TAFA1: variants seen among roughly 807,000 people sequenced by gnomAD.
TAFA1 encodes TAFA chemokine like family member 1.
A neutral mutation model predicts 18.5 loss-of-function variants in TAFA1; 4 were observed. That is an observed-to-expected ratio of 0.22 (90% CI 0.11 to 0.49). The LOEUF (loss-of-function observed/expected upper bound fraction) is 0.49. Among genes scored for constraint, TAFA1 ranks in the 20% least tolerant of loss-of-function variants. The probability of loss-of-function intolerance (pLI) is 0.98; values close to 1 mark genes in which losing one functional copy is unlikely to be tolerated. For missense variants in TAFA1, 147 were observed against 169.0 expected (o/e 0.87, Z 0.72); for synonymous variants, 56 against 55.2 (o/e 1.01, Z -0.06).
chr3:68,391,470 G>A (rs563013082), intron 2 of TAFA1, among the ~76,000 whole-genome samples: 1 of 152,260 alleles, frequency 6.6e-6, no homozygotes, highest in South Asian at 2.1e-4. Context: ...CCCCAACCTA[G>A]CAAGACAGGC....
intron 4 of TAFA1, among the ~76,000 whole-genome samples, chr3:68,539,700 GT>G: frequency 7.7e-5 from 6 of 78,336 alleles, no homozygotes; most frequent in Admixed American, 1.5e-4. Flanking sequence ...GGGTGGGTGG[GT>G]GGGTGTGTGC....
chr3:68,222,074 A>G (rs1398759351), intron 2 of TAFA1, among the ~76,000 whole-genome samples: 1 of 152,176 alleles, frequency 6.6e-6, no homozygotes, highest in South Asian at 2.1e-4. Context: ...TCATAATTCT[A>G]TTGAGGATGA....
At chr3:68,273,091 A>C (rs909661516) in intron 2 of TAFA1, among the ~76,000 whole-genome samples, 1 of 152,138 alleles carries the variant, frequency 6.6e-6, no homozygotes, top group Non-Finnish European at 1.5e-5. Flanking sequence ...TGAAAAAAAG[A>C]AAGCAAGCAA....
intron 2 of TAFA1, among the ~76,000 whole-genome samples, chr3:68,086,493 C>T (rs2064971793): frequency 6.6e-6 from 1 of 152,284 alleles, no homozygotes; most frequent in African/African-American, 2.4e-5. Flanking sequence ...GTTAAAACAG[C>T]ATTCTTACTT....
chr3:68,149,769 G>C (rs1222392792), intron 2 of TAFA1, among the ~76,000 whole-genome samples: 3 of 152,166 alleles, frequency 2.0e-5, no homozygotes, highest in African/African-American at 7.2e-5. Context: ...CTTTAGCAGA[G>C]TCTTAAGAAA....
chr3:68,219,179 A>T (rs1232651331), intron 2 of TAFA1, among the ~76,000 whole-genome samples: 1 of 152,108 alleles, frequency 6.6e-6, no homozygotes, highest in Non-Finnish European at 1.5e-5. Flanking sequence ...CTTAAAAAAA[A>T]TAAATCTTAG....
intron 3 of TAFA1, among the ~76,000 whole-genome samples, chr3:68,484,776 T>G (rs2072306491): frequency 6.6e-6 from 1 of 152,208 alleles, no homozygotes; most frequent in African/African-American, 2.4e-5. Context: ...TTCATACACT[T>G]GGCCCACATT....
At chr3:68,399,643 TTAATAA>T (rs1286404696) in intron 2 of TAFA1, among the ~76,000 whole-genome samples, 1 of 152,138 alleles carries the variant, frequency 6.6e-6, no homozygotes, top group Admixed American at 6.6e-5. Flanking sequence ...TGGATATATA[TTAATAA>T]TAATAGTAAT....
At position 68,440,214 on chromosome 3, in the gene TAFA1, C is replaced by T. The variant is rs185781501; in HGVS notation, c.259+22794C>T. Among the ~76,000 whole-genome samples the T allele has an allele frequency of 3.3e-3, 499 of 152,260 alleles. 2 individuals carry two copies. Among genetic ancestry groups the T allele is most frequent in the Non-Finnish European group, 5.3e-3 (359 of 68,018 alleles). The stretch of plus-strand genomic sequence containing the variant: ...CTTTAAAAACAGAAGTTTCCCTGCA[C>T]GAACTCTCTTCTATTGTCTGTCACC... On this transcript the variant is annotated intron_variant, in intron 3 of 4. Coordinates refer to ENST00000478136, the MANE Select transcript of TAFA1 (RefSeq NM_213609.4).
rs371672416 is a variant in TAFA1, at chr3:68,529,347, C to T, written c.260-9409C>T. On this transcript the variant is annotated intron_variant, in intron 3 of 4. Transcript: ENST00000478136. The stretch of plus-strand genomic sequence containing the variant: ...CTAGCATTTCATCTGCTTCTTCTTC[C>T]ATCTTACACACTACACCAATGCATC... 4.1e-5 allele frequency among the ~76,000 whole-genome samples: 6 copies of T among 147,768 alleles called. No homozygotes were observed. The East Asian group carries it at 1.2e-3, about 30-fold the overall frequency.
intron 2 of TAFA1, among the ~76,000 whole-genome samples, chr3:68,367,675 A>G (rs1162790695): frequency 6.6e-6 from 1 of 152,186 alleles, no homozygotes. Context: ...TTAAAAATCT[A>G]GTCCAACCAT....
intron 2 of TAFA1, among the ~76,000 whole-genome samples, chr3:68,333,563 C>T (rs796977687): frequency 6.6e-6 from 1 of 152,044 alleles, no homozygotes; most frequent in African/African-American, 2.4e-5. Flanking sequence ...ACACCAAACC[C>T]CTGCGACACA....
At chr3:68,318,101 T>G (rs2068634921) in intron 2 of TAFA1, among the ~76,000 whole-genome samples, 1 of 152,180 alleles carries the variant, frequency 6.6e-6, no homozygotes, top group South Asian at 2.1e-4. Context: ...TCTGTTAGTT[T>G]TATAGTACAT....
intron 2 of TAFA1, among the ~76,000 whole-genome samples, chr3:68,370,990 C>T (rs986774827): frequency 1.3e-5 from 2 of 151,972 alleles, no homozygotes; most frequent in Non-Finnish European, 2.9e-5. Context: ...AATTGAACTA[C>T]CGTAATAATC....
At chr3:68,478,515 TA>T (rs1375832450) in intron 3 of TAFA1, among the ~76,000 whole-genome samples, 1 of 152,242 alleles carries the variant, frequency 6.6e-6, no homozygotes, top group Non-Finnish European at 1.5e-5. Flanking sequence ...CATAAGAAGC[TA>T]AAAGTTGAAA....
intron 2 of TAFA1, among the ~76,000 whole-genome samples, chr3:68,405,781 G>A (rs1317149983): frequency 7.4e-6 from 1 of 135,414 alleles, no homozygotes. Context: ...AACACGTTAG[G>A]CCCCCCACCA....
chr3:67,999,276 C>CT (rs368071409), upstream of TAFA1, among the ~76,000 whole-genome samples: 10,980 of 39,534 alleles, frequency 0.28, 460 homozygotes, highest in Non-Finnish European at 0.43. Flanking sequence ...ATCCCCCCCC[C>CT]CCCCCTCTCT....
At chr3:68,251,106 T>C (rs1343356968) in intron 2 of TAFA1, among the ~76,000 whole-genome samples, 3 of 152,174 alleles carry the variant, frequency 2.0e-5, no homozygotes, top group Non-Finnish European at 4.4e-5. Context: ...ATTATTAGTC[T>C]ATTATACACC....
chr3:68,319,910 T>C (rs1489197710), intron 2 of TAFA1, among the ~76,000 whole-genome samples: 4 of 152,196 alleles, frequency 2.6e-5, no homozygotes, highest in African/African-American at 4.8e-5. Flanking sequence ...GTTATTTTCA[T>C]AGTAACACTA....
Sources: gnomAD v4.1 joint callset for allele counts (sites outside exome capture counted in the v4.1 genomes callset) on GRCh38, gnomAD v4.1.1 for gene constraint, MANE v1.5 for transcripts, NCBI Gene and HGNC (gene_info 2026-07-23, HGNC 2026-07-21) for gene names.